The following RERE variants were observed in gnomAD, a reference collection of about 807,000 sequenced individuals.
The protein encoded by RERE is arginine-glutamic acid dipeptide repeats protein.
RERE carries 40 observed loss-of-function variants against 146.1 expected under a neutral mutation model. The ratio of observed to expected loss-of-function variants is 0.27; its 90% CI spans 0.21 to 0.36. The LOEUF is 0.36. Among genes scored for constraint, RERE ranks in the 10% least tolerant of loss-of-function variants. The probability of loss-of-function intolerance (pLI) is 1.00; values close to 1 mark genes in which losing one functional copy is unlikely to be tolerated. For synonymous variants in RERE, 1,003 were observed against 866.0 expected, an observed-to-expected ratio of 1.16 and a Z score of -2.78; for missense variants, 1,933 against 2,138.7, an observed-to-expected ratio of 0.90 and a Z score of 1.90.
At chr1:8,731,691 CAAGAA>C (rs144371870) in intron 1 of RERE, among the ~76,000 whole-genome samples, 1,867 of 152,114 alleles carry the variant, frequency 0.012, 35 homozygotes, top group African/African-American at 0.042. Context: ...TGGAAAAAAA[CAAGAA>C]AACTACAGGA....
intron 4 of RERE, among the ~76,000 whole-genome samples, chr1:8,577,228 T>C (rs1351417475): frequency 1.3e-5 from 2 of 152,118 alleles, no homozygotes; most frequent in Non-Finnish European, 2.9e-5. Context: ...TTTTTTAAAT[T>C]ATATAAATGT....
chr1:8,691,917 G>C (rs1004056786), intron 1 of RERE, among the ~76,000 whole-genome samples: 3 of 152,198 alleles, frequency 2.0e-5, no homozygotes, highest in African/African-American at 7.2e-5. Flanking sequence ...TGCATAGTAA[G>C]CCCCTGAATA....
intron 17 of RERE, 89 bp downstream of exon 17, chr1:8,361,674 G>C (rs1354898942): frequency 1.4e-5 from 19 of 1,358,474 alleles, no homozygotes; most frequent in Non-Finnish European, 1.8e-5. Flanking sequence ...CTAGGAGACA[G>C]GGCACGGCCA....
At chr1:8,573,828 G>T (rs1171336388) in intron 4 of RERE, among the ~76,000 whole-genome samples, 1 of 152,128 alleles carries the variant, frequency 6.6e-6, no homozygotes, top group East Asian at 1.9e-4. Flanking sequence ...TTTATTTCTG[G>T]AGACAGTCTC....
At chr1:8,560,230 G>T (rs906024563) in intron 4 of RERE, among the ~76,000 whole-genome samples, 1 of 152,020 alleles carries the variant, frequency 6.6e-6, no homozygotes, top group Non-Finnish European at 1.5e-5. Flanking sequence ...CTTTGTTGTG[G>T]GGATCTGCCT....
intron 2 of RERE, among the ~76,000 whole-genome samples, chr1:8,651,506 A>G (rs1647630521): frequency 6.6e-6 from 1 of 152,134 alleles, no homozygotes; most frequent in African/African-American, 2.4e-5. Context: ...GATCTCTGCA[A>G]GTGGGTGAGG....
At chr1:8,589,885 T>G (rs1026125475) in intron 4 of RERE, among the ~76,000 whole-genome samples, 1 of 152,202 alleles carries the variant, frequency 6.6e-6, no homozygotes, top group African/African-American at 2.4e-5. Flanking sequence ...AACCCTCATA[T>G]AAACTCTATA....
intron 4 of RERE, among the ~76,000 whole-genome samples, chr1:8,570,334 A>T (rs1322931058): frequency 6.6e-6 from 1 of 152,090 alleles, no homozygotes; most frequent in Non-Finnish European, 1.5e-5. Flanking sequence ...CCATCTCAAA[A>T]AATAATAATA....
At chr1:8,441,586 A>T (rs952055158) in intron 11 of RERE, among the ~76,000 whole-genome samples, 4 of 152,238 alleles carry the variant, frequency 2.6e-5, no homozygotes, top group African/African-American at 4.8e-5. Context: ...AAACACAAGG[A>T]GGTCCTAGTG....
chr1:8,500,798 T>C, intron 8 of RERE, among the ~76,000 whole-genome samples: 1 of 149,978 alleles, frequency 6.7e-6, no homozygotes, highest in African/African-American at 2.5e-5. Context: ...TCGTCTGAGA[T>C]GTGGGGAGCG....
rs1208616528 is a variant in RERE, at chr1:8,356,541, T to G, written c.4340-295A>C. Among the ~76,000 whole-genome samples, 1 of 152,134 alleles carries G rather than the reference T, an allele frequency of 6.6e-6. No individual in the cohort carries two copies. Among genetic ancestry groups the G allele is most frequent in the Non-Finnish European group, 1.5e-5 (1 of 68,016 alleles). ...GGCCAGTTTTGTCGAGGACCCGGGA[T>G]CAGCAGGGTCCCTCTCGCCGGCCAC... On this transcript the variant is annotated intron_variant, in intron 20 of 22. Coordinates refer to ENST00000400908, the MANE Select transcript of RERE (RefSeq NM_001042681.2). The surrounding 1 kb of genome is among the most constrained non-coding windows in gnomAD (Gnocchi z 5.2).
At chr1:8,444,002 CCA>C (rs926748962) in intron 11 of RERE, among the ~76,000 whole-genome samples, 25 of 152,150 alleles carry the variant, frequency 1.6e-4, no homozygotes, top group African/African-American at 5.8e-4. Context: ...GTTGGAGGGC[CCA>C]CACAGAGTCC....
intron 1 of RERE, chr1:8,786,260 T>C: frequency 1.0e-6 from 1 of 996,902 alleles, no homozygotes; most frequent in Non-Finnish European, 1.6e-6. Context: ...CTCCACCTTC[T>C]ACAAAATGGG....
intron 1 of RERE, among the ~76,000 whole-genome samples, chr1:8,768,339 A>G (rs920614098): frequency 1.2e-4 from 18 of 152,234 alleles, no homozygotes; most frequent in Admixed American, 1.1e-3. Context: ...ATAAACCACA[A>G]TATCCATTTC....
rs1391564363 is a variant in RERE at position 8,360,644 on chromosome 1, A to C, written c.2863T>G (p.Ser955Ala). Residue 955 changes from serine (S) to alanine (A), a missense_variant, in exon 18 of 23, where the codon TCA becomes GCA. Physicochemically the swap from Ser to Ala is moderately conservative, Grantham distance 99. Around this residue, in one of 11 missense-constraint regions of RERE, gnomAD observed 1,255 missense variants for 1,153.8 expected, o/e 1.09. Transcript: ENST00000400908. The part of the protein sequence containing the change: ...HKHPPHLSGP[S>A]PFSMNANLPP... Reference sequence around the variant, plus strand: ...AGGTTGGCATTCATGGAGAAGGGTGAGGGCCCCGAGAGGTGGGGAGGGTGC... The same window carrying C: ...AGGTTGGCATTCATGGAGAAGGGTGCGGGCCCCGAGAGGTGGGGAGGGTGC... 14 of 1,477,448 alleles carry C rather than the reference A, an allele frequency of 9.5e-6. No homozygotes were observed. Among genetic ancestry groups the C allele is most frequent in the Non-Finnish European group, 1.2e-5 (13 of 1,119,716 alleles). 91.5% of individuals were successfully genotyped at this position (1,477,448 alleles called of 1,614,324 possible). A position where few individuals can be genotyped will look rare whatever the true frequency, so the allele number is the denominator to read the frequency against.
chr1:8,382,842 C>T (rs954026749), intron 12 of RERE, among the ~76,000 whole-genome samples: 9 of 152,190 alleles, frequency 5.9e-5, no homozygotes, highest in Admixed American at 2.0e-4. Flanking sequence ...TGCCTCGCCA[C>T]GAGCTCCCTC....
chr1:8,490,718 T>C (rs1239697365), intron 10 of RERE, among the ~76,000 whole-genome samples: 2 of 150,240 alleles, frequency 1.3e-5, no homozygotes, highest in Non-Finnish European at 2.9e-5. Context: ...TTCCGCGAAA[T>C]GCAAACTACT....
intron 2 of RERE, among the ~76,000 whole-genome samples, chr1:8,638,783 A>ATTT (rs34276909): frequency 4.1e-4 from 41 of 100,324 alleles, no homozygotes; most frequent in East Asian, 1.6e-3. Context: ...ACGAAAAAAA[A>ATTT]TTTTTTTTTT....
chr1:8,633,235 CA>C (rs1315789406), intron 2 of RERE, among the ~76,000 whole-genome samples: 1 of 152,128 alleles, frequency 6.6e-6, no homozygotes, highest in Non-Finnish European at 1.5e-5. Flanking sequence ...GCCTGAGCAA[CA>C]TAGCAAGACT....
Sources: allele counts gnomAD v4.1 joint callset (sites outside exome capture counted in the v4.1 genomes callset), GRCh38; gene constraint gnomAD v4.1.1; regional missense constraint gnomAD v4.1.1; non-coding constraint Gnocchi (gnomAD v3.1); transcripts MANE v1.5; gene names NCBI Gene and HGNC (gene_info 2026-07-23, HGNC 2026-07-21).